Variants in GLIS3 observed in about 807,000 individuals in gnomAD.
The protein encoded by GLIS3 is GLIS family zinc finger 3.
GLIS3 carries 53 observed loss-of-function variants against 78.6 expected under a neutral mutation model. The ratio of observed to expected loss-of-function variants is 0.67; its 90% CI spans 0.54 to 0.85. The LOEUF is 0.85. Ranked by LOEUF, GLIS3 falls within the 40% of genes least tolerant of loss-of-function variation. The probability of loss-of-function intolerance (pLI) is 0.00; values close to 1 mark genes in which losing one functional copy is unlikely to be tolerated. For missense variants in GLIS3, 1,703 were observed against 1,231.1 expected (o/e 1.38, Z -5.74); for synonymous variants, 684 against 509.9 (o/e 1.34, Z -4.60).
chr9:4,482,971 T>C, the GLIS3 span, among the ~76,000 whole-genome samples: 1 of 152,174 alleles, frequency 6.6e-6, no homozygotes, highest in East Asian at 1.9e-4. Flanking sequence ...AAAAACATTC[T>C]AACAAGTCTT....
intron 1 of GLIS3, among the ~76,000 whole-genome samples, chr9:4,293,142 T>C (rs1816171807): frequency 6.6e-6 from 1 of 152,200 alleles, no homozygotes; most frequent in Non-Finnish European, 1.5e-5. Context: ...GAGCATTCAT[T>C]ATCCTTTAGT....
chr9:4,033,570 G>C (rs900299817), intron 4 of GLIS3, among the ~76,000 whole-genome samples: 11 of 152,086 alleles, frequency 7.2e-5, no homozygotes, highest in Non-Finnish European at 1.6e-4. Flanking sequence ...TCCTTAAAGT[G>C]TTTTCCAAAT....
intron 4 of GLIS3, among the ~76,000 whole-genome samples, chr9:4,101,618 T>A (rs1830378451): frequency 6.6e-6 from 1 of 152,188 alleles, no homozygotes; most frequent in South Asian, 2.1e-4. Flanking sequence ...TAACCACCAA[T>A]AATTATACCT....
chr9:4,118,811 T>A lies in GLIS3; in HGVS notation c.667A>T (p.Met223Leu), dbSNP rs531763379. 6.2e-7 allele frequency: 1 copy of A among 1,609,322 alleles called. No homozygotes were observed. The highest frequency in any genetic ancestry group is 1.3e-5 in the African/African-American group (1 of 74,990). Residue 223 changes from methionine (M) to leucine (L), a missense_variant, in exon 4 of 11, where the codon ATG (methionine) becomes TTG (leucine). Transcript: ENST00000381971. The surrounding 1 kb of genome is among the most constrained non-coding windows in gnomAD (Gnocchi z 4.7). ...SLTESQSASSMKQEWSQGYRA... is the reference protein window; with the variant it reads ...SLTESQSASSLKQEWSQGYRA... ...TAGCCCTGGGACCACTCCTGCTTCATGCTTGAGGCCGACTGACTTTCCGTC... is the reference window on the plus strand; with the variant it reads ...TAGCCCTGGGACCACTCCTGCTTCAAGCTTGAGGCCGACTGACTTTCCGTC...
chr9:4,289,210 G>T (rs1175431334), intron 1 of GLIS3, among the ~76,000 whole-genome samples: 1 of 152,100 alleles, frequency 6.6e-6, no homozygotes, highest in Non-Finnish European at 1.5e-5. Context: ...TCCATAAAAA[G>T]TTCAGGAATT....
rs766698203 is a variant in GLIS3 at position 4,125,743 on chromosome 9, G to A, written c.587C>T (p.Ser196Leu). Residue 196 changes from serine to leucine, a missense_variant, in exon 3 of 11, where the codon TCA becomes TTA. By Grantham distance (145) the Ser-to-Leu change is moderately radical (BLOSUM62 -2). Transcript: ENST00000381971. ...MNAANLNIPP[S>L]DTRSLISRES... ...AAAGTTAACTTGAGACCTGGTATCTGAAGGAGGTATATTCAGGTTGGCTGC... is the reference window on the plus strand; with the variant it reads ...AAAGTTAACTTGAGACCTGGTATCTAAAGGAGGTATATTCAGGTTGGCTGC... The A allele has an allele frequency of 1.9e-6, 3 of 1,613,076 alleles. No individual in the cohort carries two copies. The East Asian group carries it at 6.7e-5, about 36-fold the overall frequency.
chr9:4,411,825 C>G, the GLIS3 span, among the ~76,000 whole-genome samples: 1 of 152,174 alleles, frequency 6.6e-6, no homozygotes, highest in Non-Finnish European at 1.5e-5. Flanking sequence ...CTCCTACAAG[C>G]TTTCAATGTG....
intron 4 of GLIS3, among the ~76,000 whole-genome samples, chr9:4,307,366 C>T (rs139929286): frequency 7.0e-4 from 106 of 152,188 alleles, no homozygotes; most frequent in African/African-American, 2.5e-3. Flanking sequence ...CCTGTTTATA[C>T]GACGCTACCG....
At chr9:4,352,605 G>T (rs149739309), upstream of GLIS3, among the ~76,000 whole-genome samples, 613 of 152,330 alleles carry the variant, frequency 4.0e-3, 3 homozygotes, top group African/African-American at 0.014. Flanking sequence ...GTAGAGGGAG[G>T]TTTCTTCCTT....
intron 2 of GLIS3, among the ~76,000 whole-genome samples, chr9:4,141,216 A>C (rs1252897851): frequency 6.6e-6 from 1 of 152,196 alleles, no homozygotes; most frequent in Non-Finnish European, 1.5e-5. Context: ...AGGGAGACAG[A>C]AGGAGAGAGA....
At chr9:4,062,207 C>T (rs1394546266) in intron 4 of GLIS3, among the ~76,000 whole-genome samples, 1 of 152,160 alleles carries the variant, frequency 6.6e-6, no homozygotes, top group Admixed American at 6.5e-5. Flanking sequence ...TGATACATTA[C>T]CCCTGTGCCT....
chr9:4,225,838 G>A (rs568613640), intron 2 of GLIS3, among the ~76,000 whole-genome samples: 1 of 152,198 alleles, frequency 6.6e-6, no homozygotes, highest in African/African-American at 2.4e-5. Flanking sequence ...GGGGAAGACT[G>A]CATATGCAAT....
At chr9:4,147,130 G>T (rs1194048346) in intron 2 of GLIS3, among the ~76,000 whole-genome samples, 3 of 151,998 alleles carry the variant, frequency 2.0e-5, no homozygotes, top group African/African-American at 7.2e-5. Context: ...CATTATGCAG[G>T]CAATATCCTA....
chr9:4,230,722 C>A (rs1359898334), intron 2 of GLIS3, among the ~76,000 whole-genome samples: 1 of 152,106 alleles, frequency 6.6e-6, no homozygotes, highest in Admixed American at 6.5e-5. Context: ...ACAAAAGCAT[C>A]CGTCAAAGAG....
intron 4 of GLIS3, among the ~76,000 whole-genome samples, chr9:4,073,435 C>T (rs1827781534): frequency 6.6e-6 from 1 of 152,182 alleles, no homozygotes; most frequent in Non-Finnish European, 1.5e-5. Context: ...CTAAAGCATT[C>T]ATGGGCTCCC....
At chr9:4,358,286 A>AT in the GLIS3 span, among the ~76,000 whole-genome samples, 4 of 151,762 alleles carry the variant, frequency 2.6e-5, no homozygotes, top group African/African-American at 7.3e-5. Context: ...TTAATGCTCG[A>AT]TTTTTTTTAA....
the GLIS3 span, among the ~76,000 whole-genome samples, chr9:4,375,654 G>T: frequency 1.3e-5 from 2 of 152,272 alleles, no homozygotes; most frequent in Admixed American, 1.3e-4. Context: ...TGGAATGTTT[G>T]CTTCTACAGT....
chr9:4,101,161 C>T (rs1002734636), intron 4 of GLIS3, among the ~76,000 whole-genome samples: 3 of 152,200 alleles, frequency 2.0e-5, no homozygotes, highest in East Asian at 3.9e-4. Flanking sequence ...CATAAAATCA[C>T]TTGAGCTGTT....
chr9:3,872,132 G>C (rs903756729), intron 8 of GLIS3, among the ~76,000 whole-genome samples: 1 of 152,180 alleles, frequency 6.6e-6, no homozygotes, highest in African/African-American at 2.4e-5. Flanking sequence ...CTTTGCTCCA[G>C]TTCCCAACAA....
Sources: allele counts gnomAD v4.1 joint callset (sites outside exome capture counted in the v4.1 genomes callset), GRCh38; gene constraint gnomAD v4.1.1; non-coding constraint Gnocchi (gnomAD v3.1); transcripts MANE v1.5; gene names NCBI Gene and HGNC (gene_info 2026-07-23, HGNC 2026-07-21).